NRG1: variants seen among roughly 807,000 people sequenced by gnomAD.
NRG1 encodes the protein neuregulin 1, also known as pro-neuregulin-1, membrane-bound isoform.
Under a neutral mutation model 63.8 loss-of-function variants are expected in NRG1, and 18 were observed. The observed-to-expected ratio is 0.28, with a 90% CI of 0.19 to 0.42. The LOEUF (loss-of-function observed/expected upper bound fraction) is 0.42. Among genes scored for constraint, NRG1 ranks in the 10% least tolerant of loss-of-function variants. The probability of loss-of-function intolerance (pLI) is 1.00; values close to 1 mark genes in which losing one functional copy is unlikely to be tolerated. For synonymous variants in NRG1, 302 were observed against 301.3 expected (o/e 1.00, Z -0.02); for missense variants, 762 against 814.7 (o/e 0.94, Z 0.79).
At chr8:32,345,344 A>G (rs1804749603) in intron 1 of NRG1, among the ~76,000 whole-genome samples, 1 of 152,176 alleles carries the variant, frequency 6.6e-6, no homozygotes, top group South Asian at 2.1e-4. Flanking sequence ...TGATCCACAG[A>G]GGACTCCATA....
At chr8:31,687,753 A>G (rs1275491701) in intron 1 of NRG1, among the ~76,000 whole-genome samples, 1 of 152,236 alleles carries the variant, frequency 6.6e-6, no homozygotes, top group African/African-American at 2.4e-5. Flanking sequence ...GGCCAACAAC[A>G]TGGAAGCTTT....
chr8:32,385,439 T>A (rs150628780), intron 1 of NRG1, among the ~76,000 whole-genome samples: 2 of 152,154 alleles, frequency 1.3e-5, no homozygotes, highest in African/African-American at 4.8e-5. Flanking sequence ...TCCTGGAGAC[T>A]GGGTAATTTA....
intron 1 of NRG1, among the ~76,000 whole-genome samples, chr8:32,523,721 G>A (rs189856642): frequency 2.0e-5 from 3 of 152,086 alleles, no homozygotes; most frequent in Admixed American, 6.5e-5. Context: ...ATGGTGGCAC[G>A]TGCCTGTAAT....
At chr8:32,242,035 G>A (rs1377592402) in intron 1 of NRG1, among the ~76,000 whole-genome samples, 1 of 152,122 alleles carries the variant, frequency 6.6e-6, no homozygotes, top group African/African-American at 2.4e-5. Context: ...TTACAGGTGT[G>A]AGCCTCCACA....
intron 1 of NRG1, chr8:31,639,807 C>A (rs1803554011): frequency 2.2e-5 from 28 of 1,245,942 alleles, no homozygotes; most frequent in Non-Finnish European, 2.8e-5. Flanking sequence ...CCACTTCTTC[C>A]CCCTCCTCCT....
At chr8:31,852,754 A>C (rs1435938315) in intron 1 of NRG1, among the ~76,000 whole-genome samples, 1 of 152,188 alleles carries the variant, frequency 6.6e-6, no homozygotes, top group Non-Finnish European at 1.5e-5. Flanking sequence ...TCTAACATTT[A>C]AGTCTTTAAT....
chr8:32,080,135 A>G (rs1036009637), intron 1 of NRG1, among the ~76,000 whole-genome samples: 5 of 152,180 alleles, frequency 3.3e-5, no homozygotes, highest in Non-Finnish European at 7.3e-5. Context: ...ATAGAGCATA[A>G]ATTATAATGT....
intron 5 of NRG1, among the ~76,000 whole-genome samples, chr8:32,727,697 A>T (rs1047155841): frequency 2.6e-5 from 4 of 152,180 alleles, no homozygotes. Context: ...ATTGGTTAAA[A>T]AATGTTGAGC....
chr8:31,773,331 G>A (rs1338784530), intron 1 of NRG1, among the ~76,000 whole-genome samples: 3 of 152,320 alleles, frequency 2.0e-5, no homozygotes, highest in East Asian at 1.9e-4. Context: ...CAGTGTCAGA[G>A]TGAAGGAGTC....
chr8:32,291,533 C>CTTTTTTTTTTTT (rs757839225), intron 1 of NRG1, among the ~76,000 whole-genome samples: 2 of 98,038 alleles, frequency 2.0e-5, no homozygotes, highest in Non-Finnish European at 1.9e-5. Context: ...TTTTTATCCA[C>CTTTTTTTTTTTT]TTTTTTTTTT....
chr8:32,765,552 C>T (rs531240679), exon 12 of NRG1: 1 of 152,040 alleles, frequency 6.6e-6, no homozygotes, highest in Non-Finnish European at 1.5e-5. Flanking sequence ...TGTGGATGAC[C>T]ACCCCTTTCT....
chr8:31,825,431 T>C (rs1824455579), intron 1 of NRG1, among the ~76,000 whole-genome samples: 1 of 151,630 alleles, frequency 6.6e-6, no homozygotes, highest in South Asian at 2.1e-4. Context: ...TTCTAGCTGC[T>C]AGTTTAAGAG....
At chr8:31,924,925 A>G (rs917331509) in intron 1 of NRG1, among the ~76,000 whole-genome samples, 4 of 151,320 alleles carry the variant, frequency 2.6e-5, no homozygotes, top group African/African-American at 4.8e-5. Context: ...ATTTTTCTGT[A>G]TTTGAGTTCT....
At chr8:31,725,271 A>G (rs1291873832) in intron 1 of NRG1, among the ~76,000 whole-genome samples, 2 of 152,166 alleles carry the variant, frequency 1.3e-5, no homozygotes, top group Admixed American at 6.5e-5. Context: ...TGAGCTATCT[A>G]GGTGATTGAC....
At chr8:32,168,229 C>G (rs1296469662) in intron 1 of NRG1, among the ~76,000 whole-genome samples, 1 of 152,044 alleles carries the variant, frequency 6.6e-6, no homozygotes, top group Non-Finnish European at 1.5e-5. Context: ...AAACTCAATC[C>G]CAGTGATCAG....
chr8:32,122,695 A>G (rs979823373), intron 1 of NRG1, among the ~76,000 whole-genome samples: 1 of 151,914 alleles, frequency 6.6e-6, no homozygotes, highest in East Asian at 2.0e-4. Context: ...ACATATGTAT[A>G]CATGTGCCAT....
intron 1 of NRG1, among the ~76,000 whole-genome samples, chr8:31,990,963 T>C (rs953232102): frequency 6.6e-6 from 1 of 152,106 alleles, no homozygotes; most frequent in Non-Finnish European, 1.5e-5. Context: ...AACTGAGAAG[T>C]GAAAATTCTG....
chr8:32,558,062 G>A (rs998849668), intron 1 of NRG1, among the ~76,000 whole-genome samples: 5 of 152,232 alleles, frequency 3.3e-5, no homozygotes, highest in Admixed American at 6.5e-5. Flanking sequence ...AAAGGATAGC[G>A]ATCCACTTAA....
chr8:32,453,375 A>T (rs1404683926), intron 1 of NRG1, among the ~76,000 whole-genome samples: 1 of 152,164 alleles, frequency 6.6e-6, no homozygotes, highest in Non-Finnish European at 1.5e-5. Context: ...TCAGAAAATC[A>T]TGTTCATTAT....
Sources: gnomAD v4.1 joint callset for allele counts (sites outside exome capture counted in the v4.1 genomes callset) on GRCh38, gnomAD v4.1.1 for gene constraint, MANE v1.5 for transcripts, NCBI Gene and HGNC (gene_info 2026-07-23, HGNC 2026-07-21) for gene names.